ADAMTS20: variants seen among roughly 807,000 people sequenced by gnomAD.
The protein encoded by ADAMTS20 is A disintegrin and metalloproteinase with thrombospondin motifs 20.
In ADAMTS20, 225 loss-of-function variants were observed where a neutral mutation model predicts 260.1. The ratio of observed to expected loss-of-function variants is 0.87; its 90% confidence interval spans 0.78 to 0.97. The LOEUF is 0.97. ADAMTS20 is among the 50% of genes least tolerant of loss of function. The pLI is 0.00. For missense variants in ADAMTS20, 2,400 were observed against 2,337.7 expected (o/e 1.03, Z -0.55); for synonymous variants, 802 against 769.5 (o/e 1.04, Z -0.70).
At chr12:43,457,082 T>C (rs1010721487) in intron 11 of ADAMTS20, among the ~76,000 whole-genome samples, 2 of 152,210 alleles carry the variant, frequency 1.3e-5, no homozygotes, top group African/African-American at 2.4e-5. Context: ...AGGACACCAA[T>C]AGCCAGTTCT....
chr12:43,461,077 G>A (rs1159452323), intron 11 of ADAMTS20, among the ~76,000 whole-genome samples: 3 of 137,002 alleles, frequency 2.2e-5, no homozygotes, highest in Non-Finnish European at 4.6e-5. Flanking sequence ...TGCAACCTCC[G>A]CCTCCCAGGT....
intron 28 of ADAMTS20, among the ~76,000 whole-genome samples, chr12:43,416,674 C>T (rs1167762237): frequency 2.0e-5 from 3 of 152,056 alleles, no homozygotes; most frequent in African/African-American, 7.2e-5. Flanking sequence ...GCGCCCGCCA[C>T]CACGCCCGGC....
At chr12:43,395,358 G>T (rs1940677943) in intron 29 of ADAMTS20, among the ~76,000 whole-genome samples, 1 of 152,008 alleles carries the variant, frequency 6.6e-6, no homozygotes, top group African/African-American at 2.4e-5. Context: ...GTATATGTCA[G>T]AAATTCTGAA....
At chr12:43,523,713 T>C (rs1420693212) in intron 3 of ADAMTS20, among the ~76,000 whole-genome samples, 1 of 152,134 alleles carries the variant, frequency 6.6e-6, no homozygotes, top group East Asian at 1.9e-4. Flanking sequence ...GAGGAAGCTA[T>C]GCTCTCCTCT....
chr12:43,513,526 G>C (rs1431866539), intron 3 of ADAMTS20, among the ~76,000 whole-genome samples: 1 of 152,056 alleles, frequency 6.6e-6, no homozygotes, highest in African/African-American at 2.4e-5. Context: ...TCTAGAACTA[G>C]AAATACCATT....
chr12:43,506,956 T>G (rs897046623), intron 3 of ADAMTS20, among the ~76,000 whole-genome samples: 63 of 151,188 alleles, frequency 4.2e-4, no homozygotes, highest in Non-Finnish European at 1.6e-4. Flanking sequence ...AGCTGGGGAG[T>G]GAGGGAAACG....
At chr12:43,423,941 T>C (rs1941283100) in intron 28 of ADAMTS20, 1 of 704,962 alleles carries the variant, frequency 1.4e-6, no homozygotes, top group South Asian at 1.5e-5. Context: ...AGTTAAAATG[T>C]TCTGTTGTTT....
At position 43,483,885 on chromosome 12, in the gene ADAMTS20, G is replaced by A. The variant is rs771070828; in HGVS notation, c.1117+6510C>T. ...TGAAGCATGAACTATTCAATCCAGT[G>A]AATAAAGTAATTGGGATAAAACACT... is the stretch of plus-strand genomic sequence containing the variant. On this transcript the variant is annotated intron_variant, in intron 7 of 38. Coordinates refer to ENST00000389420, the MANE Select transcript of ADAMTS20 (RefSeq NM_025003.5). 2.6e-5 allele frequency among the ~76,000 whole-genome samples: 4 copies of A among 152,126 alleles called. No homozygotes were observed. The East Asian group carries it at 7.7e-4, about 29-fold the overall frequency.
chr12:43,551,741 G>T lies in ADAMTS20; in HGVS notation c.91+90C>A. On this transcript the variant is annotated intron_variant, in intron 1 of 38. Coordinates refer to ENST00000389420, the MANE Select transcript of ADAMTS20 (RefSeq NM_025003.5). This position sits in a 1 kb window ranked among gnomAD's most constrained non-coding sequence, Gnocchi z 4.6. Reference sequence around the variant, plus strand: ...TCCAGCAGGGCCAGCGTTCCCCAACGGGCTGAGCCGCTCGTCCCCGCGACC... The same window carrying T: ...TCCAGCAGGGCCAGCGTTCCCCAACTGGCTGAGCCGCTCGTCCCCGCGACC... 7.4e-7 allele frequency: 1 copy of T among 1,351,680 alleles called. No individual in the cohort carries two copies. Among genetic ancestry groups the T allele is most frequent in the Non-Finnish European group, 1.0e-6 (1 of 958,174 alleles). 83.7% of individuals were successfully genotyped at this position (1,351,680 alleles called of 1,614,324 possible).
chr12:43,511,180 A>T (rs1942918978), intron 3 of ADAMTS20, among the ~76,000 whole-genome samples: 1 of 152,096 alleles, frequency 6.6e-6, no homozygotes, highest in African/African-American at 2.4e-5. Context: ...CATTATTAGA[A>T]TAATGAATAC....
At chr12:43,499,589 C>T (rs1342492901) in intron 4 of ADAMTS20, among the ~76,000 whole-genome samples, 1 of 150,716 alleles carries the variant, frequency 6.6e-6, no homozygotes, top group African/African-American at 2.4e-5. Flanking sequence ...GTGGCAACCT[C>T]TGATTCCCAG....
intron 3 of ADAMTS20, among the ~76,000 whole-genome samples, chr12:43,519,791 G>T (rs1172524729): frequency 6.6e-6 from 1 of 152,162 alleles, no homozygotes; most frequent in Admixed American, 6.5e-5. Context: ...ACAAAAGAGA[G>T]AGATAACGAA....
chr12:43,387,529 T>C (rs1251824383), intron 29 of ADAMTS20, among the ~76,000 whole-genome samples: 1 of 152,198 alleles, frequency 6.6e-6, no homozygotes, highest in African/African-American at 2.4e-5. Flanking sequence ...TGCTGGGAGA[T>C]CCACTGCTCT....
chr12:43,466,483 G>A (rs911884784), intron 9 of ADAMTS20, among the ~76,000 whole-genome samples, 169 bp downstream of exon 9: 1 of 150,914 alleles, frequency 6.6e-6, no homozygotes, highest in African/African-American at 2.4e-5. Flanking sequence ...ATATATATAT[G>A]TACACATGAA....
At chr12:43,453,855 T>C in intron 12 of ADAMTS20, 52 bp downstream of exon 12, 2 of 1,547,920 alleles carry the variant, frequency 1.3e-6, no homozygotes, top group Non-Finnish European at 8.7e-7. Context: ...TGATGTTTAC[T>C]TTCTGGTGCC....
At chr12:43,537,887 T>C (rs1005241912) in intron 2 of ADAMTS20, among the ~76,000 whole-genome samples, 1 of 152,252 alleles carries the variant, frequency 6.6e-6, no homozygotes, top group Non-Finnish European at 1.5e-5. Context: ...ATTGAGTATA[T>C]GTACCACATT....
intron 27 of ADAMTS20, 127 bp from the exon 28 acceptor site, chr12:43,425,817 T>C (rs1941322182): frequency 1.7e-6 from 1 of 595,122 alleles, no homozygotes; most frequent in Non-Finnish European, 2.6e-6. Flanking sequence ...TAGTTTACTC[T>C]AGTAATGTTA....
intron 31 of ADAMTS20, 86 bp downstream of exon 31, chr12:43,383,472 T>G (rs1940397988): frequency 7.3e-7 from 1 of 1,363,912 alleles, no homozygotes. Context: ...TATTCAAATT[T>G]TATACCCAGT....
chr12:43,526,140 T>C lies in ADAMTS20; in HGVS notation c.613+5896A>G, dbSNP rs574770210. ...ACCATATGGTAGGCCACAAAACAAA[T>C]CTCAATACATTTTTAAAAATAGGAA... On this transcript the variant is annotated intron_variant, in intron 3 of 38. Transcript: ENST00000389420. 3.5e-4 allele frequency among the ~76,000 whole-genome samples: 53 copies of C among 152,008 alleles called. 1 individual carries two copies. The highest frequency in any genetic ancestry group is 1.0e-4 in the Non-Finnish European group (7 of 68,012).
Sources: allele counts gnomAD v4.1 joint callset (sites outside exome capture counted in the v4.1 genomes callset), GRCh38; gene constraint gnomAD v4.1.1; non-coding constraint Gnocchi (gnomAD v3.1); transcripts MANE v1.5; gene names NCBI Gene and HGNC (gene_info 2026-07-23, HGNC 2026-07-21).